C14orf180: variants seen among roughly 807,000 people sequenced by gnomAD.
The protein encoded by C14orf180 is chromosome 14 open reading frame 180.
Under a neutral mutation model 13.9 loss-of-function variants are expected in C14orf180, and 13 were observed. The observed-to-expected ratio is 0.94, with a 90% confidence interval of 0.61 to 1.49. C14orf180 has a LOEUF of 1.49. C14orf180 is among the 40% of genes most tolerant of loss of function. The pLI is 0.00. For missense variants in C14orf180, 238 were observed against 232.0 expected, an observed-to-expected ratio of 1.03 and a Z score of -0.17; for synonymous variants, 113 against 106.3, an observed-to-expected ratio of 1.06 and a Z score of -0.39.
rs1566738316 is a variant in C14orf180, at chr14:104,588,798, AGG to A, written c.*16_*17del. 2.6e-6 allele frequency: 4 copies of A among 1,532,622 alleles called. No individual in the cohort carries two copies. In the South Asian group the frequency reaches 4.8e-5, roughly 18 times the overall value. 94.9% of individuals were successfully genotyped at this position (1,532,622 alleles called of 1,614,324 possible). A position where few individuals can be genotyped will look rare whatever the true frequency, so the allele number is the denominator to read the frequency against. On this transcript the variant is annotated 3_prime_UTR_variant, in exon 5 of 5. Coordinates refer to ENST00000557649, the MANE Select transcript of C14orf180 (RefSeq NM_001008404.3). ...TGCGGCTCTGACGGGCAGGACGGGCAGGACGGGCAGGGCTTCCAGGAGAGCTC... is the reference window on the plus strand; with the variant it reads ...TGCGGCTCTGACGGGCAGGACGGGCAACGGGCAGGGCTTCCAGGAGAGCTC...
At chr14:104,588,465 G>A (rs978962396) in intron 4 of C14orf180, 113 bp from the exon 5 acceptor site, 1 of 1,455,776 alleles carries the variant, frequency 6.9e-7, no homozygotes, top group African/African-American at 1.4e-5. Flanking sequence ...AGGCTAGGGA[G>A]GGGCCATGGG....
rs1315413379 is a variant in C14orf180, at chr14:104,580,399, G to A, written c.-17+396G>A. 2.0e-5 allele frequency among the ~76,000 whole-genome samples: 3 copies of A among 152,192 alleles called. No individual in the cohort carries two copies. The South Asian group carries it at 6.2e-4, about 31-fold the overall frequency. Reference sequence around the variant, plus strand: ...ACACGGCCACTTCAAACTTAGCAGCGGGGGTGCTCCTGGCCACACAGGAGC... The same window carrying A: ...ACACGGCCACTTCAAACTTAGCAGCAGGGGTGCTCCTGGCCACACAGGAGC... On this transcript the variant is annotated intron_variant, in intron 1 of 4. Coordinates refer to ENST00000557649, the MANE Select transcript of C14orf180 (RefSeq NM_001008404.3).
At chr14:104,586,329 G>T in intron 1 of C14orf180, 86 bp from the exon 2 acceptor site, 1 of 966,528 alleles carries the variant, frequency 1.0e-6, no homozygotes, top group South Asian at 2.2e-5. Context: ...CTGGCTTCCA[G>T]GAAAGAATTT....
Position 104,588,755 on chromosome 14 carries a change from C to T in C14orf180, c.455C>T (p.Thr152Ile). The T allele has an allele frequency of 2.0e-6, 3 of 1,534,436 alleles. No individual in the cohort carries two copies. Among genetic ancestry groups the T allele is most frequent in the Non-Finnish European group, 2.6e-6 (3 of 1,146,306 alleles). The change falls in exon 5 of 5, where the codon ACC becomes ATC. Residue 152 changes from threonine to isoleucine, a missense_variant. Physicochemically the swap from Thr to Ile is moderately conservative, Grantham distance 89. Transcript: ENST00000557649. ...CTGCACCTGCGGCACGTGGCCCTCACCTGCTGGCGCGGCCTCCTGCGGCTC... is the reference window on the plus strand; with the variant it reads ...CTGCACCTGCGGCACGTGGCCCTCATCTGCTGGCGCGGCCTCCTGCGGCTC... ...LVLHLRHVAL[T>I]CWRGLLRL
chr14:104,581,199 C>G (rs1260511946), intron 1 of C14orf180: 1 of 152,222 alleles, frequency 6.6e-6, no homozygotes, highest in Non-Finnish European at 1.5e-5. Context: ...CCAGCCACCC[C>G]GCCTGGCTGT....
At chr14:104,587,427 CAT>C (rs760063702) in intron 2 of C14orf180, among the ~76,000 whole-genome samples, 6 of 152,220 alleles carry the variant, frequency 3.9e-5, no homozygotes, top group African/African-American at 9.7e-5. Context: ...CCCCTGTCCA[CAT>C]GTCCTGGGGA....
At chr14:104,581,419 G>A (rs1886427081) in intron 1 of C14orf180, 1 of 152,314 alleles carries the variant, frequency 6.6e-6, no homozygotes, top group African/African-American at 2.4e-5. Flanking sequence ...CCATGGACCG[G>A]GCTGTCCCGA....
At position 104,587,734 on chromosome 14, in the gene C14orf180, C is replaced by A; in HGVS notation, c.112-15C>A. 1.9e-6 allele frequency: 3 copies of A among 1,610,934 alleles called. No individual in the cohort carries two copies. The highest frequency in any genetic ancestry group is 2.5e-6 in the Non-Finnish European group (3 of 1,178,872). On this transcript the variant is annotated splice_polypyrimidine_tract_variant and intron_variant, in intron 2 of 4. Coordinates refer to ENST00000557649, the MANE Select transcript of C14orf180 (RefSeq NM_001008404.3). ...CGCCGGGGACTCACCAGTCTGCTTCCCGCCCCCACACCAGGAGGACAACAG... is the reference window on the plus strand; with the variant it reads ...CGCCGGGGACTCACCAGTCTGCTTCACGCCCCCACACCAGGAGGACAACAG...
chr14:104,588,652 C>A lies in C14orf180; in HGVS notation c.352C>A (p.Leu118Met). ...LCVCVLLVLA[L>M]GLYCGRAKPV... ...TGTGTGCGTCCTGCTCGTGCTGGCC[C>A]TGGGCCTATACTGCGGCCGGGCCAA... Residue 118 changes from leucine to methionine, a missense_variant, in exon 5 of 5, where the codon CTG becomes ATG. Transcript: ENST00000557649. 1 of 1,531,168 alleles carries A rather than the reference C, an allele frequency of 6.5e-7. No individual in the cohort carries two copies. Among genetic ancestry groups the A allele is most frequent in the Non-Finnish European group, 8.7e-7 (1 of 1,143,590 alleles). The allele number at this position is 1,531,168 out of a possible 1,614,324, so 94.8% of individuals were successfully genotyped here. A position where few individuals can be genotyped will look rare whatever the true frequency, so the allele number is the denominator to read the frequency against.
intron 1 of C14orf180, among the ~76,000 whole-genome samples, chr14:104,580,312 G>A (rs1886393488): frequency 6.6e-6 from 1 of 152,214 alleles, no homozygotes; most frequent in Non-Finnish European, 1.5e-5. Context: ...CTAAAACGGA[G>A]ACAGTCCCAG....
intron 2 of C14orf180, 146 bp from the exon 3 acceptor site, chr14:104,587,603 C>T (rs532779990): frequency 2.5e-6 from 2 of 813,086 alleles, no homozygotes; most frequent in South Asian, 3.9e-5. Context: ...CCTCACCCTA[C>T]AGGAAGTGAC....
At chr14:104,585,722 CAG>C (rs762452063) in intron 1 of C14orf180, among the ~76,000 whole-genome samples, 18 of 121,164 alleles carry the variant, frequency 1.5e-4, no homozygotes, top group Middle Eastern at 3.4e-3. Context: ...GAGATGGAGA[CAG>C]AGAGAGAGAC....
In C14orf180 at chr14:104,588,743, A is replaced by T. The variant is rs1223140678; in HGVS notation, c.443A>T (p.His148Leu). The change falls in exon 5 of 5, where the codon CAC (histidine) becomes CTC (leucine). Residue 148 changes from histidine (H) to leucine (L), a missense_variant. By Grantham distance (99) the His-to-Leu change is moderately conservative. Transcript: ENST00000557649. ...RLLGLVLHLR[H>L]VALTCWRGLL... ...CTCGGCCTTGTCCTGCACCTGCGGCACGTGGCCCTCACCTGCTGGCGCGGC... is the reference window on the plus strand; with the variant it reads ...CTCGGCCTTGTCCTGCACCTGCGGCTCGTGGCCCTCACCTGCTGGCGCGGC... The T allele has an allele frequency of 2.0e-6, 3 of 1,535,696 alleles. No homozygotes were observed. The highest frequency in any genetic ancestry group is 2.4e-5 in the South Asian group (2 of 83,962).
intron 1 of C14orf180, among the ~76,000 whole-genome samples, chr14:104,586,081 T>C (rs1886607781): frequency 6.6e-6 from 1 of 152,196 alleles, no homozygotes; most frequent in African/African-American, 2.4e-5. Context: ...AATACTAAAA[T>C]GCAACCCTCA....
intron 1 of C14orf180, among the ~76,000 whole-genome samples, chr14:104,580,246 C>A (rs890500287): frequency 6.6e-6 from 1 of 152,308 alleles, no homozygotes; most frequent in African/African-American, 2.4e-5. Context: ...CCTGAGTGAC[C>A]TGAACAAGCT....
Position 104,587,829 on chromosome 14 carries a change from G to C in C14orf180, c.192G>C (p.Arg64Ser). 1 of 1,612,110 alleles carries C rather than the reference G, an allele frequency of 6.2e-7. No homozygotes were observed. Among genetic ancestry groups the C allele is most frequent in the Non-Finnish European group, 8.5e-7 (1 of 1,179,454 alleles). ...ACCGCCCAGAGGCCAAGCCCCAGAG[G>C]ACCTCGAGGCGCGTGTGGTTCCGAG... ...EHHRPEAKPQRTSRRVWFREP... is the reference protein window; with the variant it reads ...EHHRPEAKPQSTSRRVWFREP... Residue 64 changes from arginine to serine, a missense_variant, in exon 3 of 5, where the codon AGG becomes AGC. Physicochemically the swap from Arg to Ser is moderately radical, Grantham distance 110. Coordinates refer to ENST00000557649, the MANE Select transcript of C14orf180 (RefSeq NM_001008404.3).
chr14:104,580,712 C>T (rs1050619571), intron 1 of C14orf180, among the ~76,000 whole-genome samples: 2 of 149,220 alleles, frequency 1.3e-5, no homozygotes, highest in Non-Finnish European at 2.9e-5. Context: ...CCTGTGTGGC[C>T]ATGGGACCCC....
intron 1 of C14orf180, among the ~76,000 whole-genome samples, chr14:104,583,853 C>T (rs908481354): frequency 6.6e-6 from 1 of 152,106 alleles, no homozygotes; most frequent in African/African-American, 2.4e-5. Flanking sequence ...TGGACACACA[C>T]ACACATGCAT....
intron 1 of C14orf180, among the ~76,000 whole-genome samples, 161 bp from the exon 2 acceptor site, chr14:104,586,254 G>A (rs189746380): frequency 2.6e-5 from 4 of 152,290 alleles, no homozygotes; most frequent in Non-Finnish European, 4.4e-5. Context: ...CTGCACTGGG[G>A]ACACCACAGA....
Sources: allele counts gnomAD v4.1 joint callset (sites outside exome capture counted in the v4.1 genomes callset), GRCh38; gene constraint gnomAD v4.1.1; transcripts MANE v1.5; gene names NCBI Gene and HGNC (gene_info 2026-07-23, HGNC 2026-07-21).